The following ADGRV1 variants were observed in gnomAD, a reference collection of about 807,000 sequenced individuals.
The protein encoded by ADGRV1 is G-protein coupled receptor 98.
A neutral mutation model predicts 596.2 loss-of-function variants in ADGRV1; 359 were observed. The observed-to-expected ratio is 0.60, with a 90% CI of 0.55 to 0.66. The LOEUF (loss-of-function observed/expected upper bound fraction) is 0.66. Ranked by LOEUF, ADGRV1 falls within the 30% of genes least tolerant of loss-of-function variation. The probability of loss-of-function intolerance (pLI) is 0.00; values close to 1 mark genes in which losing one functional copy is unlikely to be tolerated. For synonymous variants in ADGRV1, 2,681 were observed against 2,679.2 expected, an observed-to-expected ratio of 1.00 and a Z score of -0.02; for missense variants, 7,274 against 7,575.6, an observed-to-expected ratio of 0.96 and a Z score of 1.48.
At chr5:90,922,943 C>T (rs1425594554) in intron 83 of ADGRV1, among the ~76,000 whole-genome samples, 2 of 152,164 alleles carry the variant, frequency 1.3e-5, no homozygotes, top group Non-Finnish European at 2.9e-5. Flanking sequence ...AAACCTTCCA[C>T]AGAGTATCTG....
At chr5:90,772,138 A>C (rs1252316462) in intron 59 of ADGRV1, among the ~76,000 whole-genome samples, 1 of 152,158 alleles carries the variant, frequency 6.6e-6, no homozygotes, top group Non-Finnish European at 1.5e-5. Context: ...GATTCTCATG[A>C]TTCACAGTAG....
chr5:90,922,849 GAC>G (rs1774010906), intron 83 of ADGRV1, among the ~76,000 whole-genome samples: 1 of 152,186 alleles, frequency 6.6e-6, no homozygotes, highest in African/African-American at 2.4e-5. Context: ...TCATATTAAT[GAC>G]AGTTGGTTCT....
At chr5:91,072,978 C>T (rs928108280) in intron 86 of ADGRV1, among the ~76,000 whole-genome samples, 2 of 152,122 alleles carry the variant, frequency 1.3e-5, no homozygotes, top group African/African-American at 2.4e-5. Flanking sequence ...AACAAACCTC[C>T]GCAGTGCTCA....
chr5:91,019,224 C>A (rs1453944051), intron 85 of ADGRV1, among the ~76,000 whole-genome samples: 1 of 151,900 alleles, frequency 6.6e-6, no homozygotes, highest in Non-Finnish European at 1.5e-5. Flanking sequence ...ACATGAATTT[C>A]AAAGGAAATT....
intron 25 of ADGRV1, 139 bp from the exon 26 acceptor site, chr5:90,679,410 A>C: frequency 1.8e-6 from 1 of 544,562 alleles, no homozygotes; most frequent in Non-Finnish European, 3.3e-6. Context: ...AAAATGATCC[A>C]TTTCTTATGG....
intron 78 of ADGRV1, 34 bp downstream of exon 78, chr5:90,841,019 T>C: frequency 7.1e-7 from 1 of 1,404,200 alleles, no homozygotes. Context: ...ATTTGTTTAG[T>C]GAAATTTTGT....
intron 52 of ADGRV1, among the ~76,000 whole-genome samples, chr5:90,748,524 A>C (rs1275414765): frequency 6.6e-6 from 1 of 152,192 alleles, no homozygotes; most frequent in Non-Finnish European, 1.5e-5. Context: ...CACTAACTAC[A>C]TTTCAACTGG....
intron 83 of ADGRV1, among the ~76,000 whole-genome samples, chr5:90,943,893 G>T (rs1354028103): frequency 6.6e-6 from 1 of 152,250 alleles, no homozygotes; most frequent in East Asian, 1.9e-4. Context: ...AATGACGTCT[G>T]CAAAGATTCT....
chr5:91,093,467 G>A (rs970961037), intron 86 of ADGRV1, among the ~76,000 whole-genome samples: 1 of 152,190 alleles, frequency 6.6e-6, no homozygotes, highest in African/African-American at 2.4e-5. Flanking sequence ...GGGTCATATC[G>A]ACAAGTCACA....
intron 84 of ADGRV1, among the ~76,000 whole-genome samples, chr5:90,971,559 AG>A (rs1778994690): frequency 6.6e-6 from 1 of 152,234 alleles, no homozygotes; most frequent in African/African-American, 2.4e-5. Context: ...ACATTCTTAA[AG>A]AAAAGAATTT....
chr5:90,580,788 G>A (rs1243323861), intron 1 of ADGRV1, among the ~76,000 whole-genome samples: 2 of 151,328 alleles, frequency 1.3e-5, no homozygotes, highest in African/African-American at 2.4e-5. Context: ...GAGTATCTTT[G>A]TGGTGTTCTC....
chr5:90,783,132 G>A lies in ADGRV1; in HGVS notation c.13240G>A (p.Asp4414Asn), dbSNP rs578245415. 4.2e-5 allele frequency: 67 copies of A among 1,613,144 alleles called. No homozygotes were observed. In the South Asian group the frequency reaches 7.0e-4, roughly 17 times the overall value. Reference protein sequence around the residue: ...PKYTAFEVEEDVGLIMIPVVR... With the variant: ...PKYTAFEVEENVGLIMIPVVR... ...CCAAGTTCCCATTACAGTGGAGGAA[G>A]ATGTTGGGCTGATCATGATCCCAGT... The change falls in exon 66 of 90, where the codon GAT (aspartate) becomes AAT (asparagine). Residue 4414 changes from aspartate to asparagine, a missense_variant. Coordinates refer to ENST00000405460, the MANE Select transcript of ADGRV1 (RefSeq NM_032119.4).
chr5:90,933,713 C>A (rs11744005), intron 83 of ADGRV1, among the ~76,000 whole-genome samples: 66,013 of 152,044 alleles, frequency 0.43, 15,646 homozygotes, highest in Non-Finnish European at 0.53. Context: ...CCGGGAAGTT[C>A]TCTGCCCTCC....
intron 83 of ADGRV1, among the ~76,000 whole-genome samples, chr5:90,866,693 A>G (rs1729609176): frequency 6.6e-6 from 1 of 152,016 alleles, no homozygotes; most frequent in African/African-American, 2.4e-5. Flanking sequence ...CATAAGAAAG[A>G]TTGTACTCCA....
At chr5:90,894,686 C>G (rs1476320255) in intron 83 of ADGRV1, among the ~76,000 whole-genome samples, 1 of 152,178 alleles carries the variant, frequency 6.6e-6, no homozygotes, top group Non-Finnish European at 1.5e-5. Context: ...CAGATTCACT[C>G]AAGCACGAAC....
chr5:91,060,236 T>G (rs1182049298), intron 85 of ADGRV1, among the ~76,000 whole-genome samples: 1 of 151,978 alleles, frequency 6.6e-6, no homozygotes, highest in Non-Finnish European at 1.5e-5. Flanking sequence ...TGTTTGTTTG[T>G]TTGGTTTTTT....
chr5:90,620,683 C>T (rs770941719), intron 4 of ADGRV1, among the ~76,000 whole-genome samples: 1 of 152,086 alleles, frequency 6.6e-6, no homozygotes, highest in Non-Finnish European at 1.5e-5. Context: ...ATGCCTATGT[C>T]CTGAATGGTA....
chr5:91,005,566 A>G (rs1421111070), intron 85 of ADGRV1, among the ~76,000 whole-genome samples: 2 of 152,006 alleles, frequency 1.3e-5, no homozygotes, highest in Non-Finnish European at 1.5e-5. Flanking sequence ...GTCTATTGCT[A>G]TTTATGTTGT....
intron 74 of ADGRV1, among the ~76,000 whole-genome samples, chr5:90,814,429 C>T (rs1314570772): frequency 6.6e-6 from 1 of 152,160 alleles, no homozygotes; most frequent in African/African-American, 2.4e-5. Flanking sequence ...GATGGGTACA[C>T]ATGATAATAT....
Sources: allele counts gnomAD v4.1 joint callset (sites outside exome capture counted in the v4.1 genomes callset), GRCh38; gene constraint gnomAD v4.1.1; transcripts MANE v1.5; gene names NCBI Gene and HGNC (gene_info 2026-07-23, HGNC 2026-07-21).